URI1: variants seen among roughly 807,000 people sequenced by gnomAD.
The protein encoded by URI1 is unconventional prefoldin RPB5 interactor 1.
URI1 carries 39 observed loss-of-function variants against 60.2 expected under a neutral mutation model. The ratio of observed to expected loss-of-function variants is 0.65; its 90% confidence interval spans 0.50 to 0.85. URI1 has a LOEUF of 0.85. Among genes scored for constraint, URI1 ranks in the 40% least tolerant of loss-of-function variants. URI1 has a pLI of 0.00. For missense variants in URI1, 691 were observed against 665.9 expected, an observed-to-expected ratio of 1.04 and a Z score of -0.42; for synonymous variants, 251 against 236.8, an observed-to-expected ratio of 1.06 and a Z score of -0.55.
At chr19:29,955,328 C>A (rs1258041184) in intron 1 of URI1, among the ~76,000 whole-genome samples, 1 of 152,028 alleles carries the variant, frequency 6.6e-6, no homozygotes, top group Non-Finnish European at 1.5e-5. Flanking sequence ...CAGCTGATAT[C>A]TTATTGATGG....
intron 1 of URI1, among the ~76,000 whole-genome samples, chr19:29,948,671 AT>A (rs1442571757): frequency 1.3e-5 from 2 of 152,190 alleles, no homozygotes; most frequent in African/African-American, 4.8e-5. Flanking sequence ...AAGGTTATAG[AT>A]TAACAGCATC....
At chr19:29,974,334 C>T (rs570290982) in intron 2 of URI1, among the ~76,000 whole-genome samples, 4 of 151,582 alleles carry the variant, frequency 2.6e-5, no homozygotes, top group Non-Finnish European at 5.9e-5. Context: ...TGTAAATATT[C>T]GTGAATATTT....
intron 4 of URI1, among the ~76,000 whole-genome samples, chr19:29,989,400 A>G (rs1352698155): frequency 7.0e-6 from 1 of 142,778 alleles, no homozygotes; most frequent in African/African-American, 2.6e-5. Flanking sequence ...GGCGTGTGCC[A>G]TTGCACCTGG....
intron 10 of URI1, among the ~76,000 whole-genome samples, chr19:30,014,373 C>G (rs1034307500): frequency 1.3e-5 from 2 of 152,052 alleles, no homozygotes; most frequent in Admixed American, 6.6e-5. Flanking sequence ...AGGCAATATG[C>G]AGTAAAATAT....
intron 4 of URI1, among the ~76,000 whole-genome samples, chr19:29,988,024 C>T (rs1157872319): frequency 4.0e-5 from 6 of 151,832 alleles, no homozygotes; most frequent in Admixed American, 6.6e-5. Context: ...AAAAATTAGC[C>T]GGGCGTGGTG....
chr19:29,939,378 G>A (rs1371538445), upstream of URI1, among the ~76,000 whole-genome samples: 3 of 151,626 alleles, frequency 2.0e-5, no homozygotes, highest in East Asian at 1.9e-4. Context: ...AGGTTCAAGC[G>A]ATTCTCCTAC....
chr19:29,986,370 A>C lies in URI1; in HGVS notation c.320A>C (p.Lys107Thr), dbSNP rs769970139. The change falls in exon 4 of 11, where the codon AAG becomes ACG. Residue 107 changes from lysine to threonine, a missense_variant. Transcript: ENST00000392271. Reference sequence around the variant, plus strand: ...TTACTGGGGGACAACTGGTTTGCAAAGTGCTCAGCAAAGCAGGCTGTAGGT... The same window carrying C: ...TTACTGGGGGACAACTGGTTTGCAACGTGCTCAGCAAAGCAGGCTGTAGGT... ...TVLLGDNWFA[K>T]CSAKQAVGLV... 3 of 1,610,274 alleles carry C rather than the reference A, an allele frequency of 1.9e-6. 1 individual carries two copies. In the South Asian group the frequency reaches 3.3e-5, roughly 18 times the overall value.
At chr19:30,012,187 G>T in intron 9 of URI1, 98 bp from the exon 10 acceptor site, 1 of 1,399,256 alleles carries the variant, frequency 7.1e-7, no homozygotes. Context: ...AAAATTTTCA[G>T]ATTAATTTCT....
At position 30,014,619 on chromosome 19, in the gene URI1, C is replaced by T. The variant is rs528172130; in HGVS notation, c.1426-268C>T. On this transcript the variant is annotated intron_variant, in intron 10 of 10. Transcript: ENST00000392271. ...AAAGTTTGAAGACCTTTTATTTATCCATTTCTTTTTTTTCCCAGATAAAAT... is the reference window on the plus strand; with the variant it reads ...AAAGTTTGAAGACCTTTTATTTATCTATTTCTTTTTTTTCCCAGATAAAAT... 3.9e-5 allele frequency among the ~76,000 whole-genome samples: 6 copies of T among 152,212 alleles called. No homozygotes were observed. The South Asian group carries it at 8.3e-4, about 21-fold the overall frequency.
intron 4 of URI1, among the ~76,000 whole-genome samples, chr19:29,994,080 TG>T (rs1364406831): frequency 6.6e-6 from 1 of 152,110 alleles, no homozygotes; most frequent in Admixed American, 6.5e-5. Context: ...TGTGTGTGTG[TG>T]TGTATCATTT....
intron 1 of URI1, among the ~76,000 whole-genome samples, chr19:29,964,464 G>GTT (rs373357906): frequency 9.1e-4 from 114 of 124,630 alleles, no homozygotes; most frequent in East Asian, 2.8e-3. Flanking sequence ...TTTTTGTTTT[G>GTT]TTTTTTTTTT....
intron 1 of URI1, chr19:29,956,284 T>TG (rs2055246164): frequency 5.4e-6 from 4 of 740,672 alleles, no homozygotes; most frequent in Non-Finnish European, 4.0e-6. Context: ...CCCAGAGTAG[T>TG]CTTTTTTTTT....
intron 1 of URI1, among the ~76,000 whole-genome samples, chr19:29,951,377 AGTTT>A (rs1183606711): frequency 6.6e-6 from 1 of 152,098 alleles, no homozygotes; most frequent in Non-Finnish European, 1.5e-5. Context: ...TGTATTTATT[AGTTT>A]ATGTTTTTCG....
At position 29,942,653 on chromosome 19, in the gene URI1, G is replaced by T; in HGVS notation, c.106G>T (p.Glu36Ter). 1 of 1,445,824 alleles carries T rather than the reference G, an allele frequency of 6.9e-7. No individual in the cohort carries two copies. The highest frequency in any genetic ancestry group is 2.4e-5 in the Admixed American group (1 of 41,236). The allele number at this position is 1,445,824 out of a possible 1,614,324, so 89.6% of individuals were successfully genotyped here. Residue 36 changes from glutamate (E) to a stop codon, truncating the protein, a stop_gained, in exon 1 of 11, where the codon GAG (glutamate) becomes TAG (stop). Transcript: ENST00000392271. LOFTEE classifies it high-confidence loss of function. Reference protein sequence around the residue: ...RAPDVARLREEQEKVVTNCQE... With the variant: ...RAPDVARLRE ...CCCGGATGTGGCGCGGCTGCGCGAG[G>T]AGCAGGAAAAGGTAACTAGCAGCCC...
chr19:29,957,473 C>G (rs954159347), intron 1 of URI1, among the ~76,000 whole-genome samples: 2 of 151,938 alleles, frequency 1.3e-5, no homozygotes, highest in African/African-American at 4.8e-5. Flanking sequence ...AGCTCTGTTT[C>G]TCTATTCTGT....
At chr19:29,952,901 A>G (rs1389740313) in intron 1 of URI1, among the ~76,000 whole-genome samples, 1 of 152,254 alleles carries the variant, frequency 6.6e-6, no homozygotes. Context: ...GTCATTTATG[A>G]CTATACATTT....
At position 29,986,389 on chromosome 19, in the gene URI1, T is replaced by C. The variant is rs775798382; in HGVS notation, c.339T>C (p.Ala113=). The change falls in exon 4 of 11, where the codon GCT becomes GCC. Residue 113 remains alanine (A), a synonymous_variant. Coordinates refer to ENST00000392271, the MANE Select transcript of URI1 (RefSeq NM_003796.3). The part of the protein sequence containing the change: ...NWFAKCSAKQ[A]VGLVEHRKEH... The stretch of plus-strand genomic sequence containing the variant: ...TTGCAAAGTGCTCAGCAAAGCAGGC[T>C]GTAGGTTTAGTTGAGCACCGGAAAG... 4 of 1,610,334 alleles carry C rather than the reference T, an allele frequency of 2.5e-6. No individual in the cohort carries two copies. The highest frequency in any genetic ancestry group is 3.4e-6 in the Non-Finnish European group (4 of 1,179,396).
chr19:29,942,035 A>G (rs1416202119), upstream of URI1, among the ~76,000 whole-genome samples: 1 of 25,956 alleles, frequency 3.9e-5, no homozygotes, highest in Non-Finnish European at 7.6e-5. Context: ...CATATACGTA[A>G]TCTCAAAAAA....
At chr19:29,958,963 A>AC (rs1234091231) in intron 1 of URI1, among the ~76,000 whole-genome samples, 5 of 151,650 alleles carry the variant, frequency 3.3e-5, no homozygotes, top group Non-Finnish European at 5.9e-5. Context: ...CTCAAAAAAA[A>AC]AACAACAAAA....
Sources: gnomAD v4.1 joint callset for allele counts (sites outside exome capture counted in the v4.1 genomes callset) on GRCh38, gnomAD v4.1.1 for gene constraint, MANE v1.5 for transcripts, NCBI Gene and HGNC (gene_info 2026-07-23, HGNC 2026-07-21) for gene names.